GNAS: variants seen among roughly 807,000 people sequenced by gnomAD.
GNAS encodes the protein GNAS complex locus.
A neutral mutation model predicts 54.5 loss-of-function variants in GNAS; 8 were observed. The observed-to-expected ratio is 0.15, with a 90% confidence interval of 0.09 to 0.26. The LOEUF is 0.26. Ranked by LOEUF, GNAS falls within the 10% of genes least tolerant of loss-of-function variation. The pLI is 1.00. For synonymous variants in GNAS, 204 were observed against 191.4 expected (o/e 1.07, Z -0.54); for missense variants, 170 against 529.8 (o/e 0.32, Z 6.67).
chr20:58,868,715 T>C (rs1387317083), intron 1 of GNAS, among the ~76,000 whole-genome samples: 5 of 152,212 alleles, frequency 3.3e-5, no homozygotes, highest in Non-Finnish European at 7.4e-5. Flanking sequence ...TTTCCTTTGT[T>C]TTCTCGCTCT....
chr20:58,892,666 C>CCCGGG (rs2089577560), intron 1 of GNAS, among the ~76,000 whole-genome samples: 1 of 151,952 alleles, frequency 6.6e-6, no homozygotes, highest in Non-Finnish European at 1.5e-5. Flanking sequence ...GCAGACGTGT[C>CCCGGG]CCGGGCCAGG....
intron 1 of GNAS, among the ~76,000 whole-genome samples, chr20:58,850,142 CTAT>C (rs1307656447): frequency 6.6e-6 from 1 of 152,182 alleles, no homozygotes; most frequent in African/African-American, 2.4e-5. Context: ...CTACCACCTT[CTAT>C]TCATAGCCAA....
chr20:58,851,144 A>C (rs2086154949), intron 1 of GNAS, among the ~76,000 whole-genome samples: 1 of 152,138 alleles, frequency 6.6e-6, no homozygotes, highest in Non-Finnish European at 1.5e-5. Context: ...AAGTGTGTAG[A>C]CCCATAGAGC....
rs3730173 is a variant in GNAS, at chr20:58,909,879, C to T, written c.840-72C>T. ...CTGCACTGTTTATAGAGAAGAACCC[C>T]GTGCAAGCATTCCAGACCCCTGGCC... is the stretch of plus-strand genomic sequence containing the variant. On this transcript the variant is annotated intron_variant, in intron 10 of 12. Transcript: ENST00000371085. This position sits in a 1 kb window ranked among gnomAD's most constrained non-coding sequence, Gnocchi z 7.3. The T allele has an allele frequency of 0.057, 91,894 of 1,612,186 alleles. 3,556 individuals are homozygous for T. Among genetic ancestry groups the T allele is most frequent in the African/African-American group, 0.19 (14,531 of 74,956 alleles).
At chr20:58,869,685 A>G (rs2087306088) in intron 1 of GNAS, among the ~76,000 whole-genome samples, 1 of 152,220 alleles carries the variant, frequency 6.6e-6, no homozygotes, top group South Asian at 2.1e-4. Context: ...TGCAAGTATC[A>G]TTGTGTTTTT....
Position 58,910,347 on chromosome 20 carries a change from C to A in GNAS, c.984C>A (p.Pro328=). The part of the protein sequence containing the change: ...YTTPEDATPE[P]GEDPRVTRAK... Reference sequence around the variant, plus strand: ...CTTTTTATATAGCTACTCCCGAGCCCGGAGAGGACCCACGCGTGACCCGGG... The same window carrying A: ...CTTTTTATATAGCTACTCCCGAGCCAGGAGAGGACCCACGCGTGACCCGGG... Residue 328 remains proline (P), a synonymous_variant, in exon 12 of 13, where the codon CCC becomes CCA. Coordinates refer to ENST00000371085, the MANE Select transcript of GNAS (RefSeq NM_000516.7). This position sits in a 1 kb window ranked among gnomAD's most constrained non-coding sequence, Gnocchi z 5.8. The A allele has an allele frequency of 6.2e-7, 1 of 1,610,804 alleles. No individual in the cohort carries two copies. Among genetic ancestry groups the A allele is most frequent in the East Asian group, 2.2e-5 (1 of 44,854 alleles).
At chr20:58,869,699 G>A (rs535811935) in intron 1 of GNAS, among the ~76,000 whole-genome samples, 2 of 152,152 alleles carry the variant, frequency 1.3e-5, no homozygotes, top group South Asian at 4.1e-4. Flanking sequence ...TGTTTTTCAG[G>A]ATCTCTGAGA....
At chr20:58,876,922 C>CA (rs1409837389) in intron 1 of GNAS, 2 of 152,398 alleles carry the variant, frequency 1.3e-5, no homozygotes, top group Admixed American at 6.6e-5. Context: ...GACACCAGCT[C>CA]AAAACATTGA....
In GNAS at chr20:58,853,362, G is replaced by A; in HGVS notation, c.43+12476G>A. 6.4e-7 allele frequency: 1 copy of A among 1,552,940 alleles called. No homozygotes were observed. ...ACAGCCCGAGCAACCACCTTTGGAGGCCCCAGGGGCAGCTGCCCCCGGTGC... is the reference window on the plus strand; with the variant it reads ...ACAGCCCGAGCAACCACCTTTGGAGACCCCAGGGGCAGCTGCCCCCGGTGC... On this transcript the variant is annotated intron_variant, in intron 1 of 12. Transcript: ENST00000306090. This position sits in a 1 kb window ranked among gnomAD's most constrained non-coding sequence, Gnocchi z 4.4.
upstream of GNAS, among the ~76,000 whole-genome samples, chr20:58,890,981 C>A (rs2089178383): frequency 6.6e-6 from 1 of 151,286 alleles, no homozygotes; most frequent in Non-Finnish European, 1.5e-5. Flanking sequence ...AGCCCCTCGG[C>A]GGCGCCCGCG....
chr20:58,904,315 T>G (rs1163338620), intron 5 of GNAS, among the ~76,000 whole-genome samples: 1 of 151,956 alleles, frequency 6.6e-6, no homozygotes, highest in Non-Finnish European at 1.5e-5. Context: ...TTATTAAGAG[T>G]TTTCTAAAGT....
chr20:58,851,473 T>C (rs6026560), intron 1 of GNAS, among the ~76,000 whole-genome samples: 34,912 of 152,120 alleles, frequency 0.23, 4,734 homozygotes, highest in African/African-American at 0.37. Flanking sequence ...CCAGTTGCTC[T>C]GTGCCTAGAC....
intron 3 of GNAS, chr20:58,903,092 G>A (rs2090776502): frequency 3.0e-6 from 1 of 338,120 alleles, no homozygotes. Context: ...CTCTCAGTAT[G>A]CTAGCAACTG....
chr20:58,865,716 C>T lies in GNAS; in HGVS notation c.43+24830C>T, dbSNP rs981070732. 2.6e-5 allele frequency among the ~76,000 whole-genome samples: 4 copies of T among 151,578 alleles called. No individual in the cohort carries two copies. In the East Asian group the frequency reaches 5.9e-4, roughly 22 times the overall value. On this transcript the variant is annotated intron_variant, in intron 1 of 12. Coordinates refer to the GNAS transcript ENST00000306090. ...CTCAGCCTCCTAGTAGCTGGGATTA[C>T]AGGCATGAGCCACCGTGTCCAACCC...
chr20:58,903,340 CAG>C (rs763034705), intron 3 of GNAS, 189 bp from the exon 4 acceptor site: 23 of 683,768 alleles, frequency 3.4e-5, no homozygotes, highest in Non-Finnish European at 4.0e-5. Flanking sequence ...GGCGTGTCCT[CAG>C]GGCACATTTG....
At position 58,854,152 on chromosome 20, in the gene GNAS, CG is replaced by C. The variant is rs1391332013; in HGVS notation, c.43+13269del. 2.7e-5 allele frequency: 43 copies of C among 1,612,476 alleles called. No homozygotes were observed. Among genetic ancestry groups the C allele is most frequent in the Non-Finnish European group, 3.6e-5 (42 of 1,179,798 alleles). On this transcript the variant is annotated intron_variant, in intron 1 of 12. Coordinates refer to the GNAS transcript ENST00000306090. ...GCTGTCAGACCTCCTTCTAACTTCA[CG>C]GGCAGCAGCCCCTGGATGGAGATCT... is the stretch of plus-strand genomic sequence containing the variant.
chr20:58,879,992 C>T (rs2145782187), intron 1 of GNAS, among the ~76,000 whole-genome samples: 1 of 152,210 alleles, frequency 6.6e-6, no homozygotes, highest in South Asian at 2.1e-4. Flanking sequence ...TGACCCTCCC[C>T]AACCCAAACC....
intron 3 of GNAS, chr20:58,903,310 T>TTGCTA (rs1277560993): frequency 4.7e-6 from 3 of 634,818 alleles, no homozygotes; most frequent in Non-Finnish European, 8.5e-6. Flanking sequence ...CTAAGGCAAT[T>TTGCTA]TGCTAATCTG....
At position 58,853,146 on chromosome 20, in the gene GNAS, G is replaced by A; in HGVS notation, c.43+12260G>A. ...TCACAAGGGTTGGAAAGTGAGGCCG[G>A]TGAACTTTCCAGCTGGTACTTTGAT... On this transcript the variant is annotated intron_variant, in intron 1 of 12. Coordinates refer to the GNAS transcript ENST00000306090. The surrounding 1 kb of genome is among the most constrained non-coding windows in gnomAD (Gnocchi z 4.4). 1.4e-6 allele frequency: 2 copies of A among 1,435,030 alleles called. No individual in the cohort carries two copies. Among genetic ancestry groups the A allele is most frequent in the African/African-American group, 1.4e-5 (1 of 69,666 alleles). The allele number at this position is 1,435,030 out of a possible 1,614,324, so 88.9% of individuals were successfully genotyped here.
Sources: gnomAD v4.1 joint callset for allele counts (sites outside exome capture counted in the v4.1 genomes callset) on GRCh38, gnomAD v4.1.1 for gene constraint, Gnocchi (gnomAD v3.1) non-coding constraint, MANE v1.5 for transcripts, NCBI Gene and HGNC (gene_info 2026-07-23, HGNC 2026-07-21) for gene names.